Variants in SCML4 observed in about 807,000 individuals in gnomAD.
SCML4 encodes the protein Scm polycomb group protein like 4.
In SCML4, 34 loss-of-function variants were observed where a neutral mutation model predicts 41.1. The ratio of observed to expected loss-of-function variants is 0.83; its 90% CI spans 0.63 to 1.10. The LOEUF (loss-of-function observed/expected upper bound fraction) is 1.10, where lower values mean the gene tolerates loss of function less well. SCML4 is among the 50% of genes least tolerant of loss of function. The probability of loss-of-function intolerance (pLI) is 0.00; values close to 1 mark genes in which losing one functional copy is unlikely to be tolerated. For synonymous variants in SCML4, 214 were observed against 220.9 expected (o/e 0.97, Z 0.28); for missense variants, 522 against 534.1 (o/e 0.98, Z 0.22).
intron 6 of SCML4, among the ~76,000 whole-genome samples, chr6:107,713,350 A>G (rs1276018983): frequency 6.6e-6 from 1 of 152,182 alleles, no homozygotes; most frequent in Non-Finnish European, 1.5e-5. Context: ...TCTCTGTTGT[A>G]AAATAAAAGG....
At chr6:107,749,121 C>CGCGTGTGTGTGTGTGCATGT (rs1778387880) in intron 3 of SCML4, among the ~76,000 whole-genome samples, 1 of 151,582 alleles carries the variant, frequency 6.6e-6, no homozygotes, top group African/African-American at 2.4e-5. Flanking sequence ...TGTGTGTGTG[C>CGCGTGTGTGTGTGTGCATGT]GCGTGTGTGT....
intron 1 of SCML4, among the ~76,000 whole-genome samples, chr6:107,794,108 C>T (rs1045250902): frequency 2.6e-5 from 4 of 152,196 alleles, no homozygotes; most frequent in Admixed American, 1.3e-4. Context: ...AGTATCTTTG[C>T]TATGGACCCA....
chr6:107,722,607 T>C (rs548717841), intron 5 of SCML4, among the ~76,000 whole-genome samples: 2 of 152,258 alleles, frequency 1.3e-5, no homozygotes, highest in East Asian at 3.9e-4. Flanking sequence ...TGATTGGCAA[T>C]GAAAAACAAA....
chr6:107,799,083 G>T (rs1415442067), intron 1 of SCML4, among the ~76,000 whole-genome samples: 2 of 152,156 alleles, frequency 1.3e-5, no homozygotes, highest in African/African-American at 4.8e-5. Context: ...AGTTAAGTTA[G>T]TTGATAGTGC....
chr6:107,762,873 A>G, intron 2 of SCML4, among the ~76,000 whole-genome samples: 1 of 101,872 alleles, frequency 9.8e-6, no homozygotes, highest in East Asian at 3.0e-4. Flanking sequence ...AAATAAATGC[A>G]CTCTTTTTTT....
intron 1 of SCML4, among the ~76,000 whole-genome samples, chr6:107,782,631 T>C (rs1161227896): frequency 6.6e-6 from 1 of 152,146 alleles, no homozygotes; most frequent in African/African-American, 2.4e-5. Context: ...TAAGTTTGCC[T>C]GATGGCAGGT....
chr6:107,829,953 T>C, the SCML4 span, among the ~76,000 whole-genome samples: 1 of 152,198 alleles, frequency 6.6e-6, no homozygotes, highest in African/African-American at 2.4e-5. Context: ...TAGGTTACAT[T>C]CAGCCCCTGC....
intron 5 of SCML4, among the ~76,000 whole-genome samples, chr6:107,742,153 T>G (rs757596708): frequency 6.6e-6 from 1 of 151,862 alleles, no homozygotes; most frequent in Non-Finnish European, 1.5e-5. Context: ...CTAAAACAAT[T>G]ATTAGAGACT....
chr6:107,755,354 C>T (rs920000125), intron 2 of SCML4, among the ~76,000 whole-genome samples: 5 of 152,244 alleles, frequency 3.3e-5, no homozygotes, highest in African/African-American at 7.2e-5. Context: ...AAATATCCTT[C>T]GCTAGATAAA....
intron 1 of SCML4, among the ~76,000 whole-genome samples, chr6:107,803,431 G>GA (rs1463298539): frequency 6.8e-6 from 1 of 146,288 alleles, no homozygotes; most frequent in Non-Finnish European, 1.5e-5. Flanking sequence ...GAGGTGGGGG[G>GA]GTCAGCCCCC....
the SCML4 span, among the ~76,000 whole-genome samples, chr6:107,835,658 G>A: frequency 0.068 from 10,269 of 151,096 alleles, 762 homozygotes; most frequent in African/African-American, 0.17. Flanking sequence ...GGCAAGGTGG[G>A]GTGCACTGAG....
At chr6:107,763,393 T>TA (rs2114546494) in intron 2 of SCML4, among the ~76,000 whole-genome samples, 1 of 151,526 alleles carries the variant, frequency 6.6e-6, no homozygotes, top group East Asian at 1.9e-4. Flanking sequence ...TTTTTTTTTT[T>TA]TGTATGTTTT....
chr6:107,816,855 T>A (rs1038974454), intron 1 of SCML4, among the ~76,000 whole-genome samples: 1 of 152,208 alleles, frequency 6.6e-6, no homozygotes, highest in Admixed American at 6.5e-5. Context: ...TGGAAAATGG[T>A]CTGGGACTTC....
chr6:107,826,661 C>T (rs968790380), upstream of SCML4, among the ~76,000 whole-genome samples: 1 of 152,240 alleles, frequency 6.6e-6, no homozygotes, highest in Non-Finnish European at 1.5e-5. Flanking sequence ...TCCTTGCCTC[C>T]TCCCAGATGG....
rs1343670124 is a variant in SCML4, at chr6:107,705,166, T to G, written c.*34A>C. 1.9e-6 allele frequency: 3 copies of G among 1,542,628 alleles called. No homozygotes were observed. Among genetic ancestry groups the G allele is most frequent in the Non-Finnish European group, 2.6e-6 (3 of 1,138,704 alleles). On this transcript the variant is annotated 3_prime_UTR_variant, in exon 8 of 8. Transcript: ENST00000369020. ...GGCAGAAGATAATCTTGGGATCTGT[T>G]GTTTTGGGTTTCGCTTCTGTCTTTT... is the stretch of plus-strand genomic sequence containing the variant.
intron 2 of SCML4, among the ~76,000 whole-genome samples, chr6:107,759,367 A>AC (rs1554213083): frequency 0.92 from 139,751 of 151,524 alleles, 64,922 homozygotes; most frequent in East Asian, 0.99. Flanking sequence ...ATACATACAT[A>AC]AGGCTGCTGT....
chr6:107,709,447 C>T (rs559506397), intron 6 of SCML4, among the ~76,000 whole-genome samples: 97 of 152,334 alleles, frequency 6.4e-4, no homozygotes, highest in Non-Finnish European at 1.1e-3. Context: ...TCAGGTGCTC[C>T]GCCAAGGGCG....
At chr6:107,721,301 C>T (rs1361142732) in intron 5 of SCML4, among the ~76,000 whole-genome samples, 2 of 151,992 alleles carry the variant, frequency 1.3e-5, no homozygotes, top group Admixed American at 6.5e-5. Flanking sequence ...CAGTGGCTCC[C>T]GTCTGTAATC....
intron 5 of SCML4, among the ~76,000 whole-genome samples, chr6:107,741,587 T>C (rs984456167): frequency 2.0e-5 from 3 of 152,244 alleles, no homozygotes; most frequent in Non-Finnish European, 4.4e-5. Flanking sequence ...AGTGTGGCTG[T>C]TACGCAGTAC....
Sources: gnomAD v4.1 joint callset for allele counts (sites outside exome capture counted in the v4.1 genomes callset) on GRCh38, gnomAD v4.1.1 for gene constraint, MANE v1.5 for transcripts, NCBI Gene and HGNC (gene_info 2026-07-23, HGNC 2026-07-21) for gene names.